Variants in STXBP2 observed in about 807,000 individuals in gnomAD.
STXBP2 encodes the protein syntaxin-binding protein 2.
A neutral mutation model predicts 72.2 loss-of-function variants in STXBP2; 47 were observed. The ratio of observed to expected loss-of-function variants is 0.65; its 90% CI spans 0.51 to 0.83. The LOEUF (loss-of-function observed/expected upper bound fraction) is 0.83, where lower values mean the gene tolerates loss of function less well. Ranked by LOEUF, STXBP2 falls within the 40% of genes least tolerant of loss-of-function variation. The pLI is 0.00. For missense variants in STXBP2, 702 were observed against 807.6 expected (o/e 0.87, Z 1.58); for synonymous variants, 367 against 338.7 (o/e 1.08, Z -0.92).
chr19:7,641,791 G>C lies in STXBP2; in HGVS notation c.516G>C (p.Leu172=). The part of the protein sequence containing the change: ...AEERTRQLEV[L]AQQIATLCAT... ...AGCGCACGCGGCAGCTCGAGGTGCTGGCCCAGCAGATTGCCACGCTGTGCG... is the reference window on the plus strand; with the variant it reads ...AGCGCACGCGGCAGCTCGAGGTGCTCGCCCAGCAGATTGCCACGCTGTGCG... The change falls in exon 7 of 19, where the codon CTG becomes CTC. Residue 172 remains leucine, a synonymous_variant. Coordinates refer to ENST00000221283, the MANE Select transcript of STXBP2 (RefSeq NM_006949.4). The C allele has an allele frequency of 6.4e-7, 1 of 1,551,542 alleles. No homozygotes were observed. Among genetic ancestry groups the C allele is most frequent in the Non-Finnish European group, 8.7e-7 (1 of 1,147,598 alleles).
rs115694479 is a variant in STXBP2 at position 7,647,031 on chromosome 19, C to A, written c.1453-131C>A. The A allele has an allele frequency of 2.1e-3, 1,937 of 914,236 alleles. 24 individuals carry two copies. In the African/African-American group the frequency reaches 0.028, roughly 13 times the overall value. 56.6% of individuals were successfully genotyped at this position (914,236 alleles called of 1,614,324 possible). On this transcript the variant is annotated intron_variant, in intron 16 of 18. Transcript: ENST00000221283. The stretch of plus-strand genomic sequence containing the variant: ...CTAGAGGCCTAGACTCCTGGGTCCC[C>A]CAGAGGCAGGAGGTGGAGATGCTGG...
chr19:7,639,063 C>T lies in STXBP2; in HGVS notation c.132C>T (p.Cys44=). Residue 44 remains cysteine (C), a synonymous_variant, in exon 3 of 19, where the codon TGC becomes TGT. Coordinates refer to ENST00000221283, the MANE Select transcript of STXBP2 (RefSeq NM_006949.4). ...CAAGCATGCGCATCTTGTCTTCCTG[C>T]TGCAAAATGTCAGATATCCTGGCTG... ...DHPSMRILSS[C]CKMSDILAEG... The T allele has an allele frequency of 6.2e-7, 1 of 1,614,218 alleles. No homozygotes were observed.
chr19:7,647,321 C>T (rs1250131113), intron 17 of STXBP2, 33 bp from the exon 18 acceptor site: 1 of 1,612,282 alleles, frequency 6.2e-7, no homozygotes, highest in African/African-American at 1.3e-5. Context: ...GTGAGGGCCT[C>T]CTGCCTGGAC....
chr19:7,639,800 C>T lies in STXBP2; in HGVS notation c.239C>T (p.Thr80Met), dbSNP rs942482544. Residue 80 changes from threonine (T) to methionine (M), a missense_variant, in exon 4 of 19, where the codon ACG becomes ATG. Coordinates refer to ENST00000221283, the MANE Select transcript of STXBP2 (RefSeq NM_006949.4). ...SLEAIYLLSPTEKSVQALIKD... is the reference protein window; with the variant it reads ...SLEAIYLLSPMEKSVQALIKD... ...GAGGCCATTTATTTGCTGAGCCCCACGGAGAAGGTGCCTACATGAGTGAGC... is the reference window on the plus strand; with the variant it reads ...GAGGCCATTTATTTGCTGAGCCCCATGGAGAAGGTGCCTACATGAGTGAGC... 4.3e-6 allele frequency: 7 copies of T among 1,613,762 alleles called. No homozygotes were observed. The highest frequency in any genetic ancestry group is 2.7e-5 in the African/African-American group (2 of 74,904).
Position 7,640,224 on chromosome 19 carries a change from GTGTGTGCGTC to G in STXBP2, c.246+424_246+433del, listed in dbSNP as rs748048649. On this transcript the variant is annotated intron_variant, in intron 4 of 18. Coordinates refer to ENST00000221283, the MANE Select transcript of STXBP2 (RefSeq NM_006949.4). Reference sequence around the variant, plus strand: ...CGTGTGTATGTATGTGTCTGCGTCTGTGTGTGCGTCTGTGTGTATCTGTGTGTGCATGTGT... The same window carrying G: ...CGTGTGTATGTATGTGTCTGCGTCTGTGTGTGTATCTGTGTGTGCATGTGT... The G allele has an allele frequency of 3.0e-4, 162 of 540,920 alleles. No homozygotes were observed. The Middle Eastern group carries it at 3.6e-3, about 12-fold the overall frequency. 33.5% of individuals were successfully genotyped at this position (540,920 alleles called of 1,614,324 possible).
intron 13 of STXBP2, among the ~76,000 whole-genome samples, chr19:7,643,988 GGT>G (rs749087109): frequency 1.3e-3 from 192 of 148,838 alleles, no homozygotes; most frequent in Middle Eastern, 3.8e-3. Context: ...GCCTTGGAGA[GGT>G]GGGACCTGGG....
upstream of STXBP2, among the ~76,000 whole-genome samples, chr19:7,635,199 C>T (rs1457733516): frequency 5.3e-5 from 8 of 152,196 alleles, no homozygotes; most frequent in Admixed American, 5.2e-4. Flanking sequence ...TCCATCCCCC[C>T]AGGATCTGGA....
Position 7,646,625 on chromosome 19 carries a change from T to C in STXBP2, c.1452+281T>C, listed in dbSNP as rs536103686. ...TTCCCCTGTCCCGCAGGAGTGCCCC[T>C]GAGCCCCAGCCCTGGCCTTCCCAGG... On this transcript the variant is annotated intron_variant, in intron 16 of 18. Transcript: ENST00000221283. 1.5e-5 allele frequency: 8 copies of C among 518,430 alleles called. No homozygotes were observed. In the South Asian group the frequency reaches 1.6e-4, roughly 10 times the overall value. The allele number at this position is 518,430 out of a possible 1,614,324, so 32.1% of individuals were successfully genotyped here.
chr19:7,645,570 G>A (rs191937526), intron 15 of STXBP2, among the ~76,000 whole-genome samples: 7 of 145,506 alleles, frequency 4.8e-5, no homozygotes, highest in East Asian at 2.2e-4. Context: ...AGTTGGGAGC[G>A]GGTGGTCTGA....
chr19:7,631,555 G>A, the STXBP2 span: 36 of 1,535,754 alleles, frequency 2.3e-5, no homozygotes, highest in Admixed American at 6.9e-4. Flanking sequence ...CAGAACTCCT[G>A]AGGCCTCCAA....
intron 15 of STXBP2, chr19:7,645,899 G>A (rs948514392): frequency 1.8e-4 from 62 of 342,076 alleles, no homozygotes; most frequent in Middle Eastern, 1.5e-3. Flanking sequence ...TCCCCTCTCC[G>A]TCCCCCTTCT....
the STXBP2 span, chr19:7,630,450 A>G: frequency 0.35 from 256,626 of 743,570 alleles, 45,640 homozygotes; most frequent in Non-Finnish European, 0.37. Flanking sequence ...GAGTTCTGGG[A>G]TTCTTGGGTC....
intron 18 of STXBP2, 73 bp downstream of exon 18, chr19:7,647,584 G>A (rs941711762): frequency 1.9e-6 from 3 of 1,585,378 alleles, no homozygotes; most frequent in Non-Finnish European, 2.6e-6. Flanking sequence ...CCTTCTAGGT[G>A]TCTGGACTCC....
chr19:7,646,010 T>C (rs2032119581), intron 15 of STXBP2: 5 of 585,396 alleles, frequency 8.5e-6, no homozygotes, highest in Non-Finnish European at 1.2e-5. Context: ...TATCTCTGCC[T>C]CTGTCTTTGT....
chr19:7,631,327 T>G, the STXBP2 span: 1 of 1,389,772 alleles, frequency 7.2e-7, no homozygotes, highest in African/African-American at 1.6e-5. Flanking sequence ...CCTTTGTAAT[T>G]GGCAGGGGGC....
Position 7,639,775 on chromosome 19 carries a change from G to C in STXBP2, c.214G>C (p.Glu72Gln). 6.2e-7 allele frequency: 1 copy of C among 1,613,872 alleles called. No individual in the cohort carries two copies. The highest frequency in any genetic ancestry group is 2.2e-5 in the East Asian group (1 of 44,894). ...ACGGCGGGAACCCATTCCCAGTCTG[G>C]AGGCCATTTATTTGCTGAGCCCCAC... ...NKRREPIPSL[E>Q]AIYLLSPTEK... Residue 72 changes from glutamate (E) to glutamine (Q), a missense_variant, in exon 4 of 19, where the codon GAG becomes CAG. Glu to Gln is a conservative substitution (Grantham distance 29). Coordinates refer to ENST00000221283, the MANE Select transcript of STXBP2 (RefSeq NM_006949.4).
In STXBP2 at chr19:7,646,312, C is replaced by T. The variant is rs759586229; in HGVS notation, c.1420C>T (p.Arg474Cys). 3.3e-5 allele frequency: 53 copies of T among 1,610,782 alleles called. No homozygotes were observed. Among genetic ancestry groups the T allele is most frequent in the Non-Finnish European group, 4.3e-5 (51 of 1,178,950 alleles). Reference protein sequence around the residue: ...ERMEPTYQLSRWTPVIKDVME... With the variant: ...ERMEPTYQLSCWTPVIKDVME... ...CATGGAGCCCACCTATCAGCTGTCC[C>T]GCTGGACCCCGGTCATCAAGGATGT... Residue 474 changes from arginine (R) to cysteine (C), a missense_variant, in exon 16 of 19, where the codon CGC becomes TGC. Physicochemically the swap from Arg to Cys is radical, Grantham distance 180. Coordinates refer to ENST00000221283, the MANE Select transcript of STXBP2 (RefSeq NM_006949.4).
At chr19:7,631,435 C>T in the STXBP2 span, 6 of 1,510,980 alleles carry the variant, frequency 4.0e-6, no homozygotes, top group South Asian at 3.7e-5. Context: ...GTGTGTGCCC[C>T]TCCCCCCTTC....
upstream of STXBP2, among the ~76,000 whole-genome samples, chr19:7,636,016 G>A (rs2031517065): frequency 6.6e-6 from 1 of 152,176 alleles, no homozygotes; most frequent in Admixed American, 6.5e-5. Flanking sequence ...TCAAAAGGCT[G>A]CTTCTTCAGA....
Sources: gnomAD v4.1 joint callset for allele counts (sites outside exome capture counted in the v4.1 genomes callset) on GRCh38, gnomAD v4.1.1 for gene constraint, MANE v1.5 for transcripts, NCBI Gene and HGNC (gene_info 2026-07-23, HGNC 2026-07-21) for gene names.